Variants in PLEKHA6 observed in about 807,000 individuals in gnomAD.
PLEKHA6 encodes the protein pleckstrin homology domain-containing family A member 6.
Under a neutral mutation model 116.7 loss-of-function variants are expected in PLEKHA6, and 60 were observed. That is an observed-to-expected ratio of 0.51 (90% CI 0.42 to 0.64). The LOEUF is 0.64. Ranked by LOEUF, PLEKHA6 falls within the 30% of genes least tolerant of loss-of-function variation. PLEKHA6 has a pLI of 0.00. For missense variants in PLEKHA6, 1,338 were observed against 1,422.7 expected, an observed-to-expected ratio of 0.94 and a Z score of 0.96; for synonymous variants, 489 against 556.1, an observed-to-expected ratio of 0.88 and a Z score of 1.70.
chr1:204,330,933 G>C (rs1260265713), intron 1 of PLEKHA6, among the ~76,000 whole-genome samples: 1 of 152,156 alleles, frequency 6.6e-6, no homozygotes, highest in Non-Finnish European at 1.5e-5. Flanking sequence ...GTTGGCTCAC[G>C]CCTGTAATCC....
intron 1 of PLEKHA6, among the ~76,000 whole-genome samples, chr1:204,358,639 A>G (rs1673481721): frequency 6.6e-6 from 1 of 152,136 alleles, no homozygotes; most frequent in East Asian, 1.9e-4. Context: ...TAAAGGGTCT[A>G]CAGGGCTTTG....
At chr1:204,314,284 C>CTG (rs1421260534) in intron 1 of PLEKHA6, among the ~76,000 whole-genome samples, 1 of 152,218 alleles carries the variant, frequency 6.6e-6, no homozygotes, top group African/African-American at 2.4e-5. Context: ...GTTGTCTGAA[C>CTG]TGTAGCTCAC....
Position 204,259,697 on chromosome 1 carries a change from G to A in PLEKHA6, c.568C>T (p.His190Tyr), listed in dbSNP as rs2102764739. ...DSENVPPSKH[H>Y]QQPPHNSLPK... is the part of the protein sequence containing the mutation. Reference sequence around the variant, plus strand: ...AGGCTGTTGTGGGGTGGCTGCTGGTGGTGCTTGCTGGGTGGGACGTTCTCC... The same window carrying A: ...AGGCTGTTGTGGGGTGGCTGCTGGTAGTGCTTGCTGGGTGGGACGTTCTCC... The change falls in exon 8 of 23, where the codon CAC (histidine) becomes TAC (tyrosine). Residue 190 changes from histidine to tyrosine, a missense_variant. Around this residue, in one of 3 missense-constraint regions of PLEKHA6, gnomAD observed 1,136 missense variants for 1,163.6 expected, o/e 0.98. Coordinates refer to ENST00000272203, the MANE Select transcript of PLEKHA6 (RefSeq NM_014935.5). This position sits in a 1 kb window ranked among gnomAD's most constrained non-coding sequence, Gnocchi z 4.6. 2 of 1,613,744 alleles carry A rather than the reference G, an allele frequency of 1.2e-6. No individual in the cohort carries two copies. Among genetic ancestry groups the A allele is most frequent in the East Asian group, 4.5e-5 (2 of 44,876 alleles).
At chr1:204,286,942 G>T (rs983223434) in intron 1 of PLEKHA6, among the ~76,000 whole-genome samples, 2 of 152,166 alleles carry the variant, frequency 1.3e-5, no homozygotes, top group Non-Finnish European at 2.9e-5. Flanking sequence ...TATTGTGCCT[G>T]GTTTCTGTTT....
At chr1:204,276,721 T>A (rs1156731432) in intron 1 of PLEKHA6, among the ~76,000 whole-genome samples, 1 of 150,864 alleles carries the variant, frequency 6.6e-6, no homozygotes, top group Non-Finnish European at 1.5e-5. Context: ...ATCACAAGAC[T>A]TCTAGGGAAT....
At chr1:204,241,333 G>T in intron 17 of PLEKHA6, 42 bp downstream of exon 17, 1 of 1,274,306 alleles carries the variant, frequency 7.8e-7, no homozygotes, top group Non-Finnish European at 1.1e-6. Context: ...CCCTGGGCTC[G>T]CAGCCCAGCT....
intron 1 of PLEKHA6, among the ~76,000 whole-genome samples, chr1:204,330,697 G>A (rs1050008322): frequency 3.2e-4 from 48 of 152,164 alleles, no homozygotes; most frequent in African/African-American, 1.1e-3. Context: ...TCCCCTCAGA[G>A]CCTTTGACAG....
Position 204,259,507 on chromosome 1 carries a change from T to C in PLEKHA6, c.758A>G (p.Tyr253Cys), listed in dbSNP as rs1163293313. The change falls in exon 8 of 23, where the codon TAC becomes TGC. Residue 253 changes from tyrosine (Y) to cysteine (C), a missense_variant. Coordinates refer to ENST00000272203, the MANE Select transcript of PLEKHA6 (RefSeq NM_014935.5). The surrounding 1 kb of genome is among the most constrained non-coding windows in gnomAD (Gnocchi z 4.6). ...PEPASEPGSP[Y>C]PEGPRVPGGG... ...CCCTGGCACTCTTGGGCCCTCGGGG[T>C]AAGGGCTGCCCGGCTCTGAGGCTGG... 1 of 1,613,788 alleles carries C rather than the reference T, an allele frequency of 6.2e-7. No homozygotes were observed. The highest frequency in any genetic ancestry group is 1.3e-5 in the African/African-American group (1 of 74,868).
intron 1 of PLEKHA6, among the ~76,000 whole-genome samples, chr1:204,374,502 C>A (rs943697013): frequency 1.3e-5 from 2 of 152,154 alleles, no homozygotes; most frequent in African/African-American, 4.8e-5. Flanking sequence ...CAAAACTTAC[C>A]CAGATTCTCA....
At chr1:204,362,029 A>T (rs1219536892), upstream of PLEKHA6, among the ~76,000 whole-genome samples, 1 of 152,214 alleles carries the variant, frequency 6.6e-6, no homozygotes, top group Non-Finnish European at 1.5e-5. Context: ...TCCTTCGAGA[A>T]GCCTGAGCCA....
At chr1:204,308,692 T>C (rs1291835466) in intron 1 of PLEKHA6, among the ~76,000 whole-genome samples, 2 of 120,478 alleles carry the variant, frequency 1.7e-5, no homozygotes, top group African/African-American at 3.3e-5. Context: ...TTTTTCTTTT[T>C]TTTTTTTTTT....
At chr1:204,360,931 C>T (rs1051460073), upstream of PLEKHA6, among the ~76,000 whole-genome samples, 4 of 152,210 alleles carry the variant, frequency 2.6e-5, no homozygotes, top group Non-Finnish European at 4.4e-5. Flanking sequence ...TCTCAGTTTT[C>T]CTCTATCCAC....
At chr1:204,368,061 G>C (rs1411164628) in intron 2 of PLEKHA6, among the ~76,000 whole-genome samples, 2 of 152,212 alleles carry the variant, frequency 1.3e-5, no homozygotes, top group Admixed American at 6.5e-5. Context: ...AATAATGAGA[G>C]ATATGGGAGT....
chr1:204,308,687 C>CTTTTTTTTTTTTTTTTTTTTTT (rs60251937), intron 1 of PLEKHA6, among the ~76,000 whole-genome samples: 3 of 81,404 alleles, frequency 3.7e-5, no homozygotes, highest in African/African-American at 5.4e-5. Flanking sequence ...TTTTCTTTTT[C>CTTTTTTTTTTTTTTTTTTTTTT]TTTTTTTTTT....
At chr1:204,270,974 C>T (rs1667390280) in intron 3 of PLEKHA6, among the ~76,000 whole-genome samples, 1 of 152,188 alleles carries the variant, frequency 6.6e-6, no homozygotes, top group Non-Finnish European at 1.5e-5. Flanking sequence ...CTGCAGACTC[C>T]CCCACTCCAC....
chr1:204,291,540 C>T (rs1238155761), intron 1 of PLEKHA6, among the ~76,000 whole-genome samples: 2 of 152,150 alleles, frequency 1.3e-5, no homozygotes, highest in Non-Finnish European at 2.9e-5. Context: ...TCCATGAAAA[C>T]CTGGGTACAA....
At chr1:204,251,322 T>C (rs1664524993) in intron 9 of PLEKHA6, among the ~76,000 whole-genome samples, 1 of 152,108 alleles carries the variant, frequency 6.6e-6, no homozygotes. Context: ...GCTATTTTGA[T>C]GGTTTGGGAA....
At chr1:204,278,998 T>C (rs966385871) in intron 1 of PLEKHA6, among the ~76,000 whole-genome samples, 3 of 152,172 alleles carry the variant, frequency 2.0e-5, no homozygotes, top group African/African-American at 7.2e-5. Context: ...GAAGCTTTGC[T>C]TCTGCCCCCT....
intron 1 of PLEKHA6, among the ~76,000 whole-genome samples, chr1:204,355,795 G>T (rs763488706): frequency 4.6e-5 from 7 of 152,016 alleles, no homozygotes; most frequent in Non-Finnish European, 1.0e-4. Context: ...CCAAAGACTC[G>T]AACACACAAA....
Sources: gnomAD v4.1 joint callset for allele counts (sites outside exome capture counted in the v4.1 genomes callset) on GRCh38, gnomAD v4.1.1 for gene constraint, gnomAD v4.1.1 regional missense constraint, Gnocchi (gnomAD v3.1) non-coding constraint, MANE v1.5 for transcripts, NCBI Gene and HGNC (gene_info 2026-07-23, HGNC 2026-07-21) for gene names.